Variants in ANKFN1 observed in about 807,000 individuals in gnomAD.
The protein encoded by ANKFN1 is ankyrin repeat and fibronectin type III domain containing 1.
ANKFN1 carries 74 observed loss-of-function variants against 108.7 expected under a neutral mutation model. The observed-to-expected ratio is 0.68, with a 90% CI of 0.56 to 0.83. ANKFN1 has a LOEUF of 0.83. ANKFN1 is among the 40% of genes least tolerant of loss of function. ANKFN1 has a pLI of 0.00. For synonymous variants in ANKFN1, 547 were observed against 516.2 expected, an observed-to-expected ratio of 1.06 and a Z score of -0.81; for missense variants, 1,505 against 1,382.3, an observed-to-expected ratio of 1.09 and a Z score of -1.41.
At chr17:56,408,925 ATT>A (rs551085325) in intron 8 of ANKFN1, among the ~76,000 whole-genome samples, 2,084 of 143,030 alleles carry the variant, frequency 0.015, 59 homozygotes, top group African/African-American at 0.051. Flanking sequence ...TGCTTTTAAG[ATT>A]TTTTTTTTTT....
At chr17:56,094,604 A>G (rs985818106) in intron 4 of ANKFN1, among the ~76,000 whole-genome samples, 8 of 147,540 alleles carry the variant, frequency 5.4e-5, no homozygotes, top group Non-Finnish European at 7.5e-5. Context: ...CCTGGGATCA[A>G]GTGATTCTCC....
At chr17:56,314,216 T>G (rs145184560) in intron 3 of ANKFN1, among the ~76,000 whole-genome samples, 1,554 of 152,350 alleles carry the variant, frequency 0.01, 10 homozygotes, top group Non-Finnish European at 0.018. Context: ...GTTGGCTGTT[T>G]TAACTAAGAC....
At chr17:56,308,412 C>T (rs1160016963) in intron 3 of ANKFN1, among the ~76,000 whole-genome samples, 1 of 151,910 alleles carries the variant, frequency 6.6e-6, no homozygotes, top group African/African-American at 2.4e-5. Context: ...ATCTTGTGAC[C>T]TTGCTGAACT....
chr17:56,498,670 A>G (rs2051276150), intron 19 of ANKFN1, among the ~76,000 whole-genome samples: 1 of 152,212 alleles, frequency 6.6e-6, no homozygotes, highest in Non-Finnish European at 1.5e-5. Flanking sequence ...TATTTTCACT[A>G]AATGACAGAG....
At chr17:56,466,211 A>G (rs2050067415) in intron 14 of ANKFN1, 145 bp from the exon 15 acceptor site, 1 of 678,196 alleles carries the variant, frequency 1.5e-6, no homozygotes. Flanking sequence ...ATGATGCCAT[A>G]TATTCTAGGT....
chr17:56,204,430 T>C (rs1471762831), intron 1 of ANKFN1, among the ~76,000 whole-genome samples: 1 of 152,046 alleles, frequency 6.6e-6, no homozygotes, highest in African/African-American at 2.4e-5. Flanking sequence ...AACTTCTGCC[T>C]CCTAGGTTCA....
Position 56,479,970 on chromosome 17 carries a change from G to A in ANKFN1, c.1941-698G>A, listed in dbSNP as rs539011138. Among the ~76,000 whole-genome samples the A allele has an allele frequency of 2.6e-5, 4 of 152,344 alleles. No individual in the cohort carries two copies. The South Asian group carries it at 8.3e-4, about 32-fold the overall frequency. ...TCCTTTTGAAGAGCAGCCTTTGGGG[G>A]CAAACCAGATGTGCTTTCCTCCCAC... On this transcript the variant is annotated intron_variant, in intron 16 of 20. Transcript: ENST00000682825.
intron 3 of ANKFN1, among the ~76,000 whole-genome samples, chr17:56,238,573 G>A (rs1208006019): frequency 2.6e-5 from 4 of 152,032 alleles, no homozygotes; most frequent in African/African-American, 9.7e-5. Context: ...TTGGTTTAAA[G>A]TCTGTTTTGT....
At chr17:56,332,894 T>C (rs115522515) in intron 4 of ANKFN1, among the ~76,000 whole-genome samples, 2,092 of 152,112 alleles carry the variant, frequency 0.014, 51 homozygotes, top group African/African-American at 0.047. Context: ...TGAGATTGCA[T>C]TGAATGTATA....
At chr17:56,093,830 T>C (rs1363688271) in intron 4 of ANKFN1, among the ~76,000 whole-genome samples, 1 of 151,430 alleles carries the variant, frequency 6.6e-6, no homozygotes, top group Non-Finnish European at 1.5e-5. Context: ...TTGAGTGTGG[T>C]ACCTGTTATA....
At chr17:56,372,148 G>T (rs528380071) in intron 6 of ANKFN1, among the ~76,000 whole-genome samples, 1 of 152,306 alleles carries the variant, frequency 6.6e-6, no homozygotes. Flanking sequence ...TCTATAAGCT[G>T]GGAAGAATGT....
At chr17:56,069,599 C>T (rs941737261) in intron 4 of ANKFN1, among the ~76,000 whole-genome samples, 3 of 152,106 alleles carry the variant, frequency 2.0e-5, no homozygotes, top group African/African-American at 7.2e-5. Context: ...CTGGGGCTGC[C>T]ATAAGAAATT....
intron 4 of ANKFN1, among the ~76,000 whole-genome samples, chr17:56,132,067 T>C: frequency 6.6e-6 from 1 of 152,218 alleles, no homozygotes; most frequent in East Asian, 1.9e-4. Flanking sequence ...GTTGTAGCTA[T>C]TTGCAAGTGA....
intron 8 of ANKFN1, among the ~76,000 whole-genome samples, chr17:56,390,399 A>G (rs1294958941): frequency 1.3e-5 from 2 of 152,200 alleles, no homozygotes; most frequent in Non-Finnish European, 2.9e-5. Flanking sequence ...ATGGCTGCAT[A>G]GTATTCCATG....
intron 1 of ANKFN1, among the ~76,000 whole-genome samples, chr17:56,180,508 A>G (rs1175712803): frequency 1.3e-5 from 2 of 152,210 alleles, no homozygotes; most frequent in Non-Finnish European, 1.5e-5. Flanking sequence ...TAGAGATGAC[A>G]CTACTGAAAA....
rs377292745 is a variant in ANKFN1, at chr17:56,241,586, G to A, written c.53+13629G>A. On this transcript the variant is annotated intron_variant, in intron 3 of 20. Transcript: ENST00000682825. ...ATTACAGCAATCTCCCCTTATCCAT[G>A]AGGAGTAAGTTGCAAGACCCCTAGT... 4.6e-5 allele frequency among the ~76,000 whole-genome samples: 7 copies of A among 152,148 alleles called. No individual in the cohort carries two copies. In the East Asian group the frequency reaches 9.7e-4, roughly 21 times the overall value.
At chr17:56,315,924 T>C (rs149417415) in intron 3 of ANKFN1, among the ~76,000 whole-genome samples, 50 of 152,332 alleles carry the variant, frequency 3.3e-4, no homozygotes, top group African/African-American at 9.9e-4. Flanking sequence ...AGTCAAGGCT[T>C]CTTAAAAGTG....
At chr17:56,259,884 G>T (rs775664772) in intron 3 of ANKFN1, among the ~76,000 whole-genome samples, 1 of 148,096 alleles carries the variant, frequency 6.8e-6, no homozygotes, top group African/African-American at 2.5e-5. Flanking sequence ...AAAAGAGTTG[G>T]TATCACTCCC....
intron 15 of ANKFN1, among the ~76,000 whole-genome samples, chr17:56,467,852 A>AAGAAAGAAAGAAAGAAAGAAAG (rs1175301331): frequency 8.7e-5 from 2 of 22,912 alleles, no homozygotes; most frequent in African/African-American, 2.1e-4. Flanking sequence ...GAAAGAAAGA[A>AAGAAAGAAAGAAAGAAAGAAAG]AAAGGGAAAG....
Sources: allele counts gnomAD v4.1 joint callset (sites outside exome capture counted in the v4.1 genomes callset), GRCh38; gene constraint gnomAD v4.1.1; transcripts MANE v1.5; gene names NCBI Gene and HGNC (gene_info 2026-07-23, HGNC 2026-07-21).